The following ATP8A2 variants were observed in gnomAD, a reference collection of about 807,000 sequenced individuals.
ATP8A2 encodes phospholipid-transporting ATPase IB.
ATP8A2 carries 100 observed loss-of-function variants against 165.6 expected under a neutral mutation model. That is an observed-to-expected ratio of 0.60 (90% CI 0.51 to 0.71). ATP8A2 has a LOEUF of 0.71. Among genes scored for constraint, ATP8A2 ranks in the 30% least tolerant of loss-of-function variants. The probability of loss-of-function intolerance (pLI) is 0.00; values close to 1 mark genes in which losing one functional copy is unlikely to be tolerated. For synonymous variants in ATP8A2, 543 were observed against 548.8 expected, an observed-to-expected ratio of 0.99 and a Z score of 0.15; for missense variants, 1,227 against 1,479.5, an observed-to-expected ratio of 0.83 and a Z score of 2.80.
intron 24 of ATP8A2, among the ~76,000 whole-genome samples, chr13:25,657,396 C>A (rs1446425515): frequency 6.6e-6 from 1 of 152,144 alleles, no homozygotes. Context: ...AGGAGTTACA[C>A]GCTCAGATGC....
chr13:25,944,323 A>G (rs138299646), intron 33 of ATP8A2, among the ~76,000 whole-genome samples: 1 of 152,338 alleles, frequency 6.6e-6, no homozygotes, highest in Non-Finnish European at 1.5e-5. Context: ...CCAGGCCAAC[A>G]TGGTGAAACC....
At chr13:26,019,843 C>G (rs1343820547) in intron 36 of ATP8A2, 45 bp from the exon 37 acceptor site, 1 of 1,418,378 alleles carries the variant, frequency 7.1e-7, no homozygotes, top group Admixed American at 1.7e-5. Flanking sequence ...GTGTGCTCCC[C>G]CAATTCTCCT....
chr13:25,597,286 G>T (rs2040261745), intron 24 of ATP8A2, among the ~76,000 whole-genome samples: 1 of 152,144 alleles, frequency 6.6e-6, no homozygotes, highest in African/African-American at 2.4e-5. Context: ...CTGCCTCCTG[G>T]TGTCTACACC....
At chr13:25,553,072 A>G (rs963885144) in intron 11 of ATP8A2, among the ~76,000 whole-genome samples, 1 of 151,910 alleles carries the variant, frequency 6.6e-6, no homozygotes, top group African/African-American at 2.4e-5. Context: ...CGCTGTTGCA[A>G]CCTTCTCCTT....
intron 33 of ATP8A2, chr13:25,868,155 T>C: frequency 2.2e-6 from 1 of 456,364 alleles, no homozygotes; most frequent in Non-Finnish European, 4.4e-6. Context: ...TAAACGCTTG[T>C]TAAAAACAAG....
intron 2 of ATP8A2, among the ~76,000 whole-genome samples, chr13:25,498,205 T>C (rs2036740809): frequency 6.6e-6 from 1 of 152,156 alleles, no homozygotes; most frequent in Admixed American, 6.5e-5. Context: ...GCTCATACTA[T>C]GAATGGTGCA....
At chr13:25,594,872 A>G (rs1478283830) in intron 24 of ATP8A2, among the ~76,000 whole-genome samples, 1 of 152,112 alleles carries the variant, frequency 6.6e-6, no homozygotes, top group Non-Finnish European at 1.5e-5. Context: ...TACAAAAAAG[A>G]TACTTGCACA....
rs536000372 is a variant in ATP8A2, at chr13:25,802,020, C to G, written c.2680-26098C>G. On this transcript the variant is annotated intron_variant, in intron 27 of 36. Transcript: ENST00000381655. ...GATTCAATTACCTCCCACCGGGTCCCTCCCATGACACGTGAGGATTATGGG... is the reference window on the plus strand; with the variant it reads ...GATTCAATTACCTCCCACCGGGTCCGTCCCATGACACGTGAGGATTATGGG... Among the ~76,000 whole-genome samples, 73 of 152,272 alleles carry G rather than the reference C, an allele frequency of 4.8e-4. 1 individual carries two copies. Among genetic ancestry groups the G allele is most frequent in the Non-Finnish European group, 8.4e-4 (57 of 68,018 alleles).
chr13:25,395,398 C>A (rs2033387445), intron 1 of ATP8A2, among the ~76,000 whole-genome samples: 1 of 151,956 alleles, frequency 6.6e-6, no homozygotes. Context: ...GAAAGCTTTC[C>A]CTTCGCCCTC....
intron 24 of ATP8A2, among the ~76,000 whole-genome samples, chr13:25,667,890 C>G (rs547087395): frequency 1.3e-5 from 2 of 152,104 alleles, no homozygotes; most frequent in South Asian, 4.2e-4. Flanking sequence ...AAGTTTATAG[C>G]ATTCTAGTTT....
rs1593520771 is a variant in ATP8A2 at position 25,895,580 on chromosome 13, A to T, written c.3183+33172A>T. 2.0e-5 allele frequency among the ~76,000 whole-genome samples: 3 copies of T among 152,046 alleles called. No homozygotes were observed. The South Asian group carries it at 6.2e-4, about 32-fold the overall frequency. On this transcript the variant is annotated intron_variant, in intron 33 of 36. Transcript: ENST00000381655. Reference sequence around the variant, plus strand: ...GTTAGGGAGGATTCCCTCTTTTTCTATTGATTGGAATAGTTTCAGAAGGAA... The same window carrying T: ...GTTAGGGAGGATTCCCTCTTTTTCTTTTGATTGGAATAGTTTCAGAAGGAA...
At chr13:25,421,713 G>A (rs1264494367) in intron 1 of ATP8A2, among the ~76,000 whole-genome samples, 2 of 152,148 alleles carry the variant, frequency 1.3e-5, no homozygotes, top group Non-Finnish European at 2.9e-5. Context: ...TACTTGTACA[G>A]GACTGGAAGT....
At chr13:25,919,073 G>A (rs755546130) in intron 33 of ATP8A2, among the ~76,000 whole-genome samples, 3 of 152,186 alleles carry the variant, frequency 2.0e-5, no homozygotes, top group Non-Finnish European at 4.4e-5. Context: ...CCTGAACTAA[G>A]TAATACCTGG....
rs1392170282 is a variant in ATP8A2 at position 26,024,262 on chromosome 13, G to A, written c.*4277G>A. The A allele has an allele frequency of 6.6e-6, 1 of 152,054 alleles. No homozygotes were observed. Among genetic ancestry groups the A allele is most frequent in the Admixed American group, 6.5e-5 (1 of 15,272 alleles). 9.4% of individuals were successfully genotyped at this position (152,054 alleles called of 1,614,324 possible). On this transcript the variant is annotated 3_prime_UTR_variant, in exon 37 of 37. Coordinates refer to ENST00000381655, the MANE Select transcript of ATP8A2 (RefSeq NM_016529.6). ...CAAGACCCCCATAATGACATCATTA[G>A]GCATTCTTGAAAGGTGTTAACAGAC...
At chr13:25,951,705 C>G (rs1322352364) in intron 33 of ATP8A2, among the ~76,000 whole-genome samples, 2 of 152,096 alleles carry the variant, frequency 1.3e-5, no homozygotes, top group Non-Finnish European at 2.9e-5. Context: ...CTTTTGAGAA[C>G]CCCTTACCAT....
At chr13:25,908,181 C>T (rs1041437574) in intron 33 of ATP8A2, among the ~76,000 whole-genome samples, 2 of 151,730 alleles carry the variant, frequency 1.3e-5, no homozygotes, top group African/African-American at 4.8e-5. Flanking sequence ...GGTTTTCTAC[C>T]GAGGCGTGCT....
intron 27 of ATP8A2, among the ~76,000 whole-genome samples, chr13:25,818,292 T>G (rs182503291): frequency 5.3e-5 from 8 of 152,310 alleles, no homozygotes; most frequent in Non-Finnish European, 7.4e-5. Flanking sequence ...ATTCATAAAT[T>G]TTTTGGTGTG....
intron 18 of ATP8A2, 86 bp downstream of exon 18, chr13:25,571,778 T>C (rs773079488): frequency 2.6e-6 from 3 of 1,150,620 alleles, no homozygotes; most frequent in South Asian, 2.5e-5. Context: ...GTAAATATGA[T>C]AGCTAAATTT....
chr13:25,740,431 T>C (rs925774557), intron 25 of ATP8A2, among the ~76,000 whole-genome samples: 1 of 152,084 alleles, frequency 6.6e-6, no homozygotes, highest in Non-Finnish European at 1.5e-5. Flanking sequence ...AAGTCAGTCA[T>C]TGGCAGAAAG....
Sources: gnomAD v4.1 joint callset for allele counts (sites outside exome capture counted in the v4.1 genomes callset) on GRCh38, gnomAD v4.1.1 for gene constraint, MANE v1.5 for transcripts, NCBI Gene and HGNC (gene_info 2026-07-23, HGNC 2026-07-21) for gene names.